The following ADARB2 variants were observed in gnomAD, a reference collection of about 807,000 sequenced individuals.
ADARB2 encodes adenosine deaminase RNA specific B2 (inactive), also known as inactive double-stranded RNA-specific editase B2.
ADARB2 carries 25 observed loss-of-function variants against 62.2 expected under a neutral mutation model. That is an observed-to-expected ratio of 0.40 (90% CI 0.29 to 0.56). ADARB2 has a LOEUF of 0.56. ADARB2 is among the 20% of genes least tolerant of loss of function. ADARB2 has a pLI of 0.43. For synonymous variants in ADARB2, 572 were observed against 500.8 expected (o/e 1.14, Z -1.90); for missense variants, 1,071 against 1,077.4 (o/e 0.99, Z 0.08).
chr10:1,629,461 C>G (rs557662284), intron 1 of ADARB2, among the ~76,000 whole-genome samples: 80 of 152,058 alleles, frequency 5.3e-4, no homozygotes, highest in African/African-American at 1.9e-3. Context: ...GCTCAAGCAC[C>G]CCGCCAGCGC....
At chr10:1,352,041 T>C (rs1399851250) in intron 3 of ADARB2, among the ~76,000 whole-genome samples, 1 of 151,708 alleles carries the variant, frequency 6.6e-6, no homozygotes, top group African/African-American at 2.4e-5. Context: ...CGCTTTCACT[T>C]GGACTGACCC....
At chr10:1,652,892 G>A (rs904685359) in intron 1 of ADARB2, among the ~76,000 whole-genome samples, 6 of 152,154 alleles carry the variant, frequency 3.9e-5, no homozygotes, top group South Asian at 2.1e-4. Flanking sequence ...GGAAGGGTGC[G>A]TGTGTGCAGA....
intron 3 of ADARB2, among the ~76,000 whole-genome samples, chr10:1,337,564 G>C (rs569057376): frequency 7.6e-4 from 116 of 152,222 alleles, no homozygotes; most frequent in Admixed American, 3.1e-3. Flanking sequence ...ATTTTTTCTG[G>C]AGAGAAGTTT....
chr10:1,714,147 T>C (rs1182982246), intron 1 of ADARB2, among the ~76,000 whole-genome samples: 2 of 152,252 alleles, frequency 1.3e-5, no homozygotes, highest in African/African-American at 4.8e-5. Flanking sequence ...GCAGTTTCTA[T>C]TTAAAAATTG....
At chr10:1,653,137 C>T (rs564857049) in intron 1 of ADARB2, among the ~76,000 whole-genome samples, 26 of 152,300 alleles carry the variant, frequency 1.7e-4, no homozygotes, top group South Asian at 1.7e-3. Context: ...CACCTTCCCA[C>T]GGAGGTGACT....
chr10:1,549,923 C>T (rs1409968995), intron 1 of ADARB2, among the ~76,000 whole-genome samples: 1 of 152,180 alleles, frequency 6.6e-6, no homozygotes, highest in Non-Finnish European at 1.5e-5. Flanking sequence ...CTGTGCCCAT[C>T]CAGGAAGCCT....
chr10:1,312,706 G>T (rs942523823), intron 3 of ADARB2, among the ~76,000 whole-genome samples: 1 of 152,180 alleles, frequency 6.6e-6, no homozygotes, highest in African/African-American at 2.4e-5. Flanking sequence ...TGCCCAACCC[G>T]CATGGGCAGG....
intron 1 of ADARB2, among the ~76,000 whole-genome samples, chr10:1,489,036 C>G (rs1400690494): frequency 6.6e-6 from 1 of 152,252 alleles, no homozygotes; most frequent in African/African-American, 2.4e-5. Flanking sequence ...CGGGTGCCAG[C>G]AAGCGCGACT....
intron 1 of ADARB2, among the ~76,000 whole-genome samples, chr10:1,607,086 T>C (rs1360478761): frequency 6.6e-6 from 1 of 152,228 alleles, no homozygotes; most frequent in East Asian, 1.9e-4. Flanking sequence ...TTTTGAAATG[T>C]CTATAATTCA....
chr10:1,539,744 G>A (rs143059365), intron 1 of ADARB2, among the ~76,000 whole-genome samples: 2 of 152,326 alleles, frequency 1.3e-5, no homozygotes, highest in African/African-American at 2.4e-5. Context: ...GTGTCAAAAT[G>A]AGCCACACAT....
intron 1 of ADARB2, among the ~76,000 whole-genome samples, chr10:1,516,138 G>C (rs61193667): frequency 2.6e-4 from 40 of 152,296 alleles, no homozygotes; most frequent in Middle Eastern, 3.4e-3. Flanking sequence ...GATACAGACC[G>C]GGGTGCTCTG....
At chr10:1,642,826 TCACA>T (rs1234846654) in intron 1 of ADARB2, among the ~76,000 whole-genome samples, 1 of 152,072 alleles carries the variant, frequency 6.6e-6, no homozygotes, top group South Asian at 2.1e-4. Context: ...ACACTCACAC[TCACA>T]CACACTCGCC....
intron 9 of ADARB2, among the ~76,000 whole-genome samples, chr10:1,184,247 T>A (rs1353567260): frequency 6.6e-6 from 1 of 152,212 alleles, no homozygotes; most frequent in Non-Finnish European, 1.5e-5. Flanking sequence ...GAGAGAGGCA[T>A]TTTTTATGTG....
At chr10:1,418,955 G>A (rs1258605639) in intron 1 of ADARB2, among the ~76,000 whole-genome samples, 2 of 152,200 alleles carry the variant, frequency 1.3e-5, no homozygotes, top group African/African-American at 4.8e-5. Flanking sequence ...CATGGTCGAG[G>A]AAAGAAAAGG....
chr10:1,416,573 G>T (rs1465239217), intron 1 of ADARB2, among the ~76,000 whole-genome samples: 1 of 152,250 alleles, frequency 6.6e-6, no homozygotes, highest in Non-Finnish European at 1.5e-5. Flanking sequence ...CAGGTAACTG[G>T]CTGGGATCCA....
intron 4 of ADARB2, among the ~76,000 whole-genome samples, chr10:1,249,517 C>T (rs1831016476): frequency 6.6e-6 from 1 of 151,038 alleles, no homozygotes; most frequent in Admixed American, 6.6e-5. Flanking sequence ...AGGCATCTGA[C>T]AAAATACAAC....
At chr10:1,552,605 G>A (rs1878415) in intron 1 of ADARB2, among the ~76,000 whole-genome samples, 2,148 of 151,836 alleles carry the variant, frequency 0.014, 54 homozygotes, top group African/African-American at 0.05. Context: ...AGAAGAGGGC[G>A]TGAAGAGCCT....
At position 1,263,615 on chromosome 10, in the gene ADARB2, T is replaced by A. The variant is rs375528425; in HGVS notation, c.1192+7340A>T. ...TGAAGAAGTGTTTGAACAGCTTTGA[T>A]TGGAGTACTAGACCTTGAGAGTGTA... On this transcript the variant is annotated intron_variant, in intron 4 of 9. Coordinates refer to ENST00000381312, the MANE Select transcript of ADARB2 (RefSeq NM_018702.4). 5.3e-5 allele frequency among the ~76,000 whole-genome samples: 8 copies of A among 152,362 alleles called. No homozygotes were observed. The East Asian group carries it at 1.3e-3, about 26-fold the overall frequency.
At chr10:1,375,828 C>G (rs1466737464) in intron 2 of ADARB2, among the ~76,000 whole-genome samples, 2 of 126,804 alleles carry the variant, frequency 1.6e-5, no homozygotes, top group Non-Finnish European at 3.5e-5. Context: ...CACACACACA[C>G]GTGCACACAC....
Sources: gnomAD v4.1 joint callset for allele counts (sites outside exome capture counted in the v4.1 genomes callset) on GRCh38, gnomAD v4.1.1 for gene constraint, MANE v1.5 for transcripts, NCBI Gene and HGNC (gene_info 2026-07-23, HGNC 2026-07-21) for gene names.